Variants in PKN2 observed in about 807,000 individuals in gnomAD.
PKN2 encodes protein kinase N2, also known as serine/threonine-protein kinase N2.
Under a neutral mutation model 119.1 loss-of-function variants are expected in PKN2, and 38 were observed. The observed-to-expected ratio is 0.32, with a 90% confidence interval of 0.25 to 0.42. The LOEUF (loss-of-function observed/expected upper bound fraction) is 0.42. Among genes scored for constraint, PKN2 ranks in the 10% least tolerant of loss-of-function variants. PKN2 has a pLI of 1.00. For synonymous variants in PKN2, 390 were observed against 384.9 expected, an observed-to-expected ratio of 1.01 and a Z score of -0.15; for missense variants, 850 against 1,165.1, an observed-to-expected ratio of 0.73 and a Z score of 3.94.
In PKN2 at chr1:88,795,217, G is replaced by A. The variant is rs186023375; in HGVS notation, c.1281+9004G>A. 3.3e-5 allele frequency among the ~76,000 whole-genome samples: 5 copies of A among 152,208 alleles called. No individual in the cohort carries two copies. In the East Asian group the frequency reaches 7.7e-4, roughly 23 times the overall value. ...ATCTTCCTCCTTGGTTTCAGAGAAC[G>A]AAGTCTCTCTCTTTCCTGTTTACAG... On this transcript the variant is annotated intron_variant, in intron 8 of 21. Transcript: ENST00000370521.
rs557825644 is a variant in PKN2 at position 88,742,005 on chromosome 1, T to G, written c.349+717T>G. Among the ~76,000 whole-genome samples the G allele has an allele frequency of 3.3e-3, 510 of 152,242 alleles. 1 individual carries two copies. The highest frequency in any genetic ancestry group is 6.1e-3 in the Non-Finnish European group (414 of 67,964). On this transcript the variant is annotated intron_variant, in intron 2 of 21. Transcript: ENST00000370521. ...AAAGGTAACATTACTTTTTGTTGTA[T>G]ATCCTTCCAGATAAAAAATTCTATA...
At chr1:88,824,534 T>C in intron 18 of PKN2, 148 bp downstream of exon 18, 1 of 561,590 alleles carries the variant, frequency 1.8e-6, no homozygotes, top group East Asian at 2.9e-5. Flanking sequence ...AAACATTGCT[T>C]ATATAACCTA....
chr1:88,756,357 A>G (rs1487486230), intron 2 of PKN2, among the ~76,000 whole-genome samples: 1 of 152,186 alleles, frequency 6.6e-6, no homozygotes, highest in Non-Finnish European at 1.5e-5. Flanking sequence ...AAACATAAGG[A>G]ATTTATGTTG....
intron 1 of PKN2, among the ~76,000 whole-genome samples, chr1:88,688,243 AC>A (rs1301161204): frequency 6.6e-6 from 1 of 151,626 alleles, no homozygotes; most frequent in African/African-American, 2.4e-5. Context: ...CTGCCACCAC[AC>A]CCGGCTAATT....
Position 88,771,551 on chromosome 1 carries a change from A to C in PKN2, c.753A>C (p.Arg251Ser). The C allele has an allele frequency of 6.3e-7, 1 of 1,592,594 alleles. No homozygotes were observed. Among genetic ancestry groups the C allele is most frequent in the Non-Finnish European group, 8.5e-7 (1 of 1,173,064 alleles). The change falls in exon 5 of 22, where the codon AGA becomes AGC. Residue 251 changes from arginine (R) to serine (S), a missense_variant. Transcript: ENST00000370521. ...KLLGSGKVTD[R>S]KALSEAQARF... Reference sequence around the variant, plus strand: ...TTGGCTCAGGAAAAGTAACAGACAGAAAAGCACTTTCAGAAGTAATTTTAA... The same window carrying C: ...TTGGCTCAGGAAAAGTAACAGACAGCAAAGCACTTTCAGAAGTAATTTTAA...
intron 1 of PKN2, among the ~76,000 whole-genome samples, chr1:88,686,248 T>C (rs1666093399): frequency 6.6e-6 from 1 of 152,142 alleles, no homozygotes. Flanking sequence ...TTGAGAAAGA[T>C]GATAGGGTCA....
intron 1 of PKN2, among the ~76,000 whole-genome samples, chr1:88,709,971 T>C (rs1373923532): frequency 2.0e-5 from 3 of 152,120 alleles, no homozygotes; most frequent in African/African-American, 7.2e-5. Flanking sequence ...ATCCTTAGGA[T>C]TGGAGGTGGG....
At chr1:88,809,194 C>T (rs767483872) in intron 15 of PKN2, among the ~76,000 whole-genome samples, 5 of 152,028 alleles carry the variant, frequency 3.3e-5, no homozygotes, top group African/African-American at 9.7e-5. Context: ...AAAATAAATG[C>T]TTTCTTGATA....
intron 16 of PKN2, among the ~76,000 whole-genome samples, chr1:88,820,245 A>G (rs1366173143): frequency 7.6e-6 from 1 of 132,186 alleles, no homozygotes; most frequent in Admixed American, 7.5e-5. Flanking sequence ...AATAGAAAAA[A>G]ATAAAAATGC....
At chr1:88,756,595 T>TA (rs1669213372) in intron 2 of PKN2, among the ~76,000 whole-genome samples, 1 of 152,182 alleles carries the variant, frequency 6.6e-6, no homozygotes. Context: ...TCCAGTTCTG[T>TA]AAAAAATGTG....
At position 88,805,898 on chromosome 1, in the gene PKN2, A is replaced by G. The variant is rs779923779; in HGVS notation, c.1684A>G (p.Thr562Ala). ...PQLAPPASDS[T>A]VTKLDFDLEP... Reference sequence around the variant, plus strand: ...TACTTTATCTTCTATAAGTGATTCTACAGTAACCAAATTGGACTTTGATCT... The same window carrying G: ...TACTTTATCTTCTATAAGTGATTCTGCAGTAACCAAATTGGACTTTGATCT... Residue 562 changes from threonine to alanine, a missense_variant, in exon 12 of 22, where the codon ACA becomes GCA. By Grantham distance (58) the Thr-to-Ala change is moderately conservative. Coordinates refer to ENST00000370521, the MANE Select transcript of PKN2 (RefSeq NM_006256.4). 9 of 1,613,994 alleles carry G rather than the reference A, an allele frequency of 5.6e-6. No homozygotes were observed. Among genetic ancestry groups the G allele is most frequent in the Middle Eastern group, 1.6e-4 (1 of 6,084 alleles).
chr1:88,822,845 C>T (rs12028466), intron 17 of PKN2, among the ~76,000 whole-genome samples: 1 of 152,102 alleles, frequency 6.6e-6, no homozygotes, highest in Non-Finnish European at 1.5e-5. Flanking sequence ...TCCCAAAGTG[C>T]TGGGATTACA....
At chr1:88,741,370 C>T in intron 2 of PKN2, 82 bp downstream of exon 2, 1 of 907,070 alleles carries the variant, frequency 1.1e-6, no homozygotes, top group South Asian at 2.5e-5. Flanking sequence ...AGTTTGGGGA[C>T]ATGAATAGTT....
intron 6 of PKN2, among the ~76,000 whole-genome samples, chr1:88,779,061 G>C (rs1275343833): frequency 1.3e-5 from 2 of 152,130 alleles, no homozygotes; most frequent in African/African-American, 4.8e-5. Flanking sequence ...GCAAGCTGTT[G>C]GTGTTAGTAT....
chr1:88,751,410 C>G (rs2100764157), intron 2 of PKN2, among the ~76,000 whole-genome samples: 1 of 150,716 alleles, frequency 6.6e-6, no homozygotes, highest in South Asian at 2.1e-4. Context: ...ACACCTGACT[C>G]TAACCTCTTT....
intron 6 of PKN2, among the ~76,000 whole-genome samples, chr1:88,779,980 C>T (rs1670269293): frequency 6.6e-6 from 1 of 152,206 alleles, no homozygotes; most frequent in South Asian, 2.1e-4. Flanking sequence ...ATTCAGACTA[C>T]TAGCTCAAGG....
At chr1:88,769,105 C>G (rs1204298246) in intron 3 of PKN2, among the ~76,000 whole-genome samples, 1 of 152,140 alleles carries the variant, frequency 6.6e-6, no homozygotes, top group African/African-American at 2.4e-5. Context: ...CAGTAGGCCT[C>G]GCTTCAGACA....
Position 88,833,518 on chromosome 1 carries a change from T to A in PKN2, c.*70T>A. The A allele has an allele frequency of 8.5e-7, 1 of 1,175,408 alleles. No homozygotes were observed. Among genetic ancestry groups the A allele is most frequent in the Non-Finnish European group, 1.3e-6 (1 of 795,290 alleles). 72.8% of individuals were successfully genotyped at this position (1,175,408 alleles called of 1,614,324 possible). On this transcript the variant is annotated 3_prime_UTR_variant, in exon 22 of 22. Transcript: ENST00000370521. The stretch of plus-strand genomic sequence containing the variant: ...TTAAAAATAGCAACCCTTCATTTGC[T>A]CTCTGTGCCACCAATAGCTTCTGAG...
Position 88,770,439 on chromosome 1 carries a change from G to C in PKN2, c.592G>C (p.Val198Leu). 1.2e-6 allele frequency: 2 copies of C among 1,608,268 alleles called. No individual in the cohort carries two copies. Among genetic ancestry groups the C allele is most frequent in the Non-Finnish European group, 1.7e-6 (2 of 1,174,654 alleles). Residue 198 changes from valine (V) to leucine (L), a missense_variant, in exon 4 of 22, where the codon GTC (valine) becomes CTC (leucine). Coordinates refer to ENST00000370521, the MANE Select transcript of PKN2 (RefSeq NM_006256.4). ...EVIRMQILQA[V>L]QTNELAFDNA... Reference sequence around the variant, plus strand: ...CATACGAATGCAGATTCTTCAGGCAGTCCAGACTAATGAATTGGCTTTTGA... The same window carrying C: ...CATACGAATGCAGATTCTTCAGGCACTCCAGACTAATGAATTGGCTTTTGA...
Sources: gnomAD v4.1 joint callset for allele counts (sites outside exome capture counted in the v4.1 genomes callset) on GRCh38, gnomAD v4.1.1 for gene constraint, MANE v1.5 for transcripts, NCBI Gene and HGNC (gene_info 2026-07-23, HGNC 2026-07-21) for gene names.